SGMS1: variants seen among roughly 807,000 people sequenced by gnomAD.
SGMS1 encodes the protein sphingomyelin synthase 1, also known as phosphatidylcholine:ceramide cholinephosphotransferase 1.
Under a neutral mutation model 46.2 loss-of-function variants are expected in SGMS1, and 13 were observed. The ratio of observed to expected loss-of-function variants is 0.28; its 90% CI spans 0.18 to 0.45. The LOEUF is 0.45. Ranked by LOEUF, SGMS1 falls within the 20% of genes least tolerant of loss-of-function variation. The probability of loss-of-function intolerance (pLI) is 1.00; values close to 1 mark genes in which losing one functional copy is unlikely to be tolerated. For synonymous variants in SGMS1, 203 were observed against 187.8 expected (o/e 1.08, Z -0.66); for missense variants, 324 against 519.9 (o/e 0.62, Z 3.66).
rs1847198722 is a variant in SGMS1 at position 50,307,836 on chromosome 10, A to C, written c.1062+146T>G. On this transcript the variant is annotated intron_variant, in intron 10 of 10. Transcript: ENST00000361781. The surrounding 1 kb of genome is among the most constrained non-coding windows in gnomAD (Gnocchi z 4.2). ...TTATTCTTAATTCTGAAGAGAATCAATGTCACAAAAAAACAATACAATCTT... is the reference window on the plus strand; with the variant it reads ...TTATTCTTAATTCTGAAGAGAATCACTGTCACAAAAAAACAATACAATCTT... 1.4e-6 allele frequency: 1 copy of C among 710,364 alleles called. No individual in the cohort carries two copies. Among genetic ancestry groups the C allele is most frequent in the South Asian group, 1.9e-5 (1 of 53,786 alleles). The allele number at this position is 710,364 out of a possible 1,614,324, so 44.0% of individuals were successfully genotyped here. A position where few individuals can be genotyped will look rare whatever the true frequency, so the allele number is the denominator to read the frequency against.
chr10:50,452,274 G>T (rs1048601396), intron 5 of SGMS1, among the ~76,000 whole-genome samples: 3 of 151,800 alleles, frequency 2.0e-5, no homozygotes, highest in African/African-American at 7.3e-5. Flanking sequence ...CATTACAAGG[G>T]GTTATTCTCC....
At chr10:50,436,879 T>C (rs955680081) in intron 5 of SGMS1, among the ~76,000 whole-genome samples, 1 of 152,212 alleles carries the variant, frequency 6.6e-6, no homozygotes. Context: ...GCTTCCTCTA[T>C]GGGAGACAGT....
intron 8 of SGMS1, among the ~76,000 whole-genome samples, chr10:50,320,410 C>A (rs368577944): frequency 6.6e-6 from 1 of 152,148 alleles, no homozygotes; most frequent in East Asian, 1.9e-4. Context: ...CATTTGAATT[C>A]GTATCTGGCA....
At chr10:50,492,083 T>A (rs1837572304) in intron 3 of SGMS1, among the ~76,000 whole-genome samples, 1 of 152,220 alleles carries the variant, frequency 6.6e-6, no homozygotes, top group African/African-American at 2.4e-5. Flanking sequence ...ATTATCTCAA[T>A]AGACGCAGAA....
chr10:50,468,895 A>C (rs2133698296), intron 3 of SGMS1, among the ~76,000 whole-genome samples: 1 of 152,344 alleles, frequency 6.6e-6, no homozygotes, highest in South Asian at 2.1e-4. Flanking sequence ...ACAAAGTAGT[A>C]TCTCAGTGAC....
At chr10:50,603,388 T>C (rs1838666074) in intron 1 of SGMS1, among the ~76,000 whole-genome samples, 1 of 152,210 alleles carries the variant, frequency 6.6e-6, no homozygotes, top group African/African-American at 2.4e-5. Context: ...TCAAACACCT[T>C]GGTTTTGTTT....
At chr10:50,596,211 T>C (rs1341069621) in intron 1 of SGMS1, among the ~76,000 whole-genome samples, 1 of 150,822 alleles carries the variant, frequency 6.6e-6, no homozygotes, top group Non-Finnish European at 1.5e-5. Flanking sequence ...AGTTTCGCTC[T>C]TGTTGCCCAG....
chr10:50,432,583 C>T (rs1849418026), intron 6 of SGMS1, among the ~76,000 whole-genome samples: 1 of 152,142 alleles, frequency 6.6e-6, no homozygotes, highest in Admixed American at 6.5e-5. Flanking sequence ...ATCACCACAG[C>T]TTGGCAATAG....
intron 6 of SGMS1, among the ~76,000 whole-genome samples, chr10:50,347,492 C>A (rs1392060283): frequency 6.6e-6 from 1 of 152,138 alleles, no homozygotes; most frequent in Non-Finnish European, 1.5e-5. Context: ...ACACACATGC[C>A]AAATGGGAGT....
chr10:50,549,154 G>A (rs961162965), intron 2 of SGMS1, among the ~76,000 whole-genome samples: 2 of 152,180 alleles, frequency 1.3e-5, no homozygotes, highest in African/African-American at 4.8e-5. Context: ...CAAAGACCAA[G>A]AGGCAGAAAT....
At chr10:50,609,683 C>T (rs1484795645) in intron 1 of SGMS1, among the ~76,000 whole-genome samples, 1 of 152,026 alleles carries the variant, frequency 6.6e-6, no homozygotes. Context: ...TTTAATATTA[C>T]ATTTCCAACT....
chr10:50,454,050 CAAAAAAAA>C (rs71846628), intron 5 of SGMS1, among the ~76,000 whole-genome samples: 1 of 98,016 alleles, frequency 1.0e-5, no homozygotes, highest in Non-Finnish European at 2.0e-5. Flanking sequence ...TTTACATAGG[CAAAAAAAA>C]AAAAAAAAAA....
intron 3 of SGMS1, among the ~76,000 whole-genome samples, chr10:50,473,440 G>A (rs570594315): frequency 2.0e-5 from 3 of 152,178 alleles, no homozygotes; most frequent in African/African-American, 7.2e-5. Flanking sequence ...ATACTTTGAA[G>A]GAACATTATG....
intron 2 of SGMS1, among the ~76,000 whole-genome samples, chr10:50,579,043 C>CA (rs764360151): frequency 1.3e-5 from 2 of 151,336 alleles, no homozygotes; most frequent in African/African-American, 2.4e-5. Flanking sequence ...AAAAACTATG[C>CA]AAAAAAAGCT....
intron 3 of SGMS1, among the ~76,000 whole-genome samples, chr10:50,489,968 C>T (rs1332713116): frequency 1.3e-5 from 2 of 151,840 alleles, no homozygotes; most frequent in African/African-American, 4.8e-5. Flanking sequence ...AATGAGACTC[C>T]ATCTCAAAAA....
intron 1 of SGMS1, among the ~76,000 whole-genome samples, chr10:50,620,391 T>C (rs897131676): frequency 1.3e-5 from 2 of 152,242 alleles, no homozygotes; most frequent in African/African-American, 2.4e-5. Flanking sequence ...AAGAGACTGT[T>C]ATGGCTATAG....
chr10:50,351,447 C>T (rs539738427), intron 6 of SGMS1, among the ~76,000 whole-genome samples: 76 of 152,174 alleles, frequency 5.0e-4, no homozygotes, highest in East Asian at 1.2e-3. Flanking sequence ...TGAGATTTTG[C>T]GGGGACAGGG....
rs964283957 is a variant in SGMS1, at chr10:50,516,656, C to T, written c.-498+3175G>A. ...CTAGCTTTCAAAAAGATCACTCTTG[C>T]ACTATTTTCTTTATCCTTAGGTGAA... On this transcript the variant is annotated intron_variant, in intron 3 of 10. Transcript: ENST00000361781. Among the ~76,000 whole-genome samples the T allele has an allele frequency of 2.0e-5, 3 of 152,186 alleles. No individual in the cohort carries two copies. The South Asian group carries it at 6.2e-4, about 32-fold the overall frequency.
intron 2 of SGMS1, among the ~76,000 whole-genome samples, chr10:50,557,121 C>T (rs73318734): frequency 0.016 from 2,392 of 152,248 alleles, 62 homozygotes; most frequent in African/African-American, 0.054. Context: ...AATGTTAACA[C>T]GATCAGATAA....
Sources: gnomAD v4.1 joint callset for allele counts (sites outside exome capture counted in the v4.1 genomes callset) on GRCh38, gnomAD v4.1.1 for gene constraint, Gnocchi (gnomAD v3.1) non-coding constraint, MANE v1.5 for transcripts, NCBI Gene and HGNC (gene_info 2026-07-23, HGNC 2026-07-21) for gene names.